SH3GL3: variants seen among roughly 807,000 people sequenced by gnomAD.
SH3GL3 encodes the protein SH3 domain containing GRB2 like 3, endophilin A3.
Under a neutral mutation model 47.7 loss-of-function variants are expected in SH3GL3, and 33 were observed. The observed-to-expected ratio is 0.69, with a 90% CI of 0.52 to 0.92. The LOEUF is 0.92. SH3GL3 is among the 40% of genes least tolerant of loss of function. The pLI is 0.00. For missense variants in SH3GL3, 363 were observed against 417.8 expected, an observed-to-expected ratio of 0.87 and a Z score of 1.14; for synonymous variants, 155 against 148.8, an observed-to-expected ratio of 1.04 and a Z score of -0.30.
intron 1 of SH3GL3, among the ~76,000 whole-genome samples, chr15:83,451,088 G>C (rs1200457727): frequency 1.1e-5 from 1 of 94,856 alleles, no homozygotes; most frequent in African/African-American, 4.0e-5. Context: ...AGTTTACTGA[G>C]AATGATGATT....
chr15:83,570,756 C>T (rs2045775365), intron 4 of SH3GL3, among the ~76,000 whole-genome samples: 1 of 152,136 alleles, frequency 6.6e-6, no homozygotes, highest in Non-Finnish European at 1.5e-5. Context: ...AGCATTAAAA[C>T]ACGAATTAAT....
chr15:83,594,070 C>T (rs530248359), intron 8 of SH3GL3, among the ~76,000 whole-genome samples: 5 of 152,284 alleles, frequency 3.3e-5, no homozygotes, highest in East Asian at 1.9e-4. Flanking sequence ...TCGCCTGCTT[C>T]GGCCTTCCAA....
intron 1 of SH3GL3, among the ~76,000 whole-genome samples, chr15:83,485,466 A>C (rs567996463): frequency 6.6e-6 from 1 of 152,188 alleles, no homozygotes; most frequent in African/African-American, 2.4e-5. Context: ...TTAGCATTGT[A>C]AAGTGTGTGA....
At chr15:83,610,366 A>T (rs571280567) in intron 8 of SH3GL3, among the ~76,000 whole-genome samples, 1 of 152,048 alleles carries the variant, frequency 6.6e-6, no homozygotes, top group African/African-American at 2.4e-5. Flanking sequence ...GTGAGACCCC[A>T]CCTCTATAGA....
intron 1 of SH3GL3, among the ~76,000 whole-genome samples, chr15:83,523,099 C>G (rs1385222709): frequency 6.6e-6 from 1 of 152,098 alleles, no homozygotes; most frequent in African/African-American, 2.4e-5. Flanking sequence ...GAAGGAAGTA[C>G]AGTTGTAAAG....
chr15:83,537,957 C>T (rs184058665), intron 1 of SH3GL3, among the ~76,000 whole-genome samples: 7 of 152,000 alleles, frequency 4.6e-5, no homozygotes, highest in South Asian at 2.1e-4. Context: ...GTATTTGGTC[C>T]GCCATCTTGA....
chr15:83,490,880 G>A (rs2041845314), intron 1 of SH3GL3: 2 of 1,614,034 alleles, frequency 1.2e-6, no homozygotes, highest in Non-Finnish European at 1.7e-6. Flanking sequence ...GCTAATAGGT[G>A]CCTTACCTGG....
intron 5 of SH3GL3, among the ~76,000 whole-genome samples, chr15:83,574,644 C>T (rs2059627004): frequency 6.6e-6 from 1 of 152,154 alleles, no homozygotes; most frequent in African/African-American, 2.4e-5. Context: ...TGCCCACTGA[C>T]AGTGGGGTGA....
At chr15:83,570,985 G>A (rs888615850) in intron 4 of SH3GL3, among the ~76,000 whole-genome samples, 4 of 152,158 alleles carry the variant, frequency 2.6e-5, no homozygotes, top group Non-Finnish European at 5.9e-5. Context: ...CCAGGTGCTC[G>A]GCAACCGAAA....
chr15:83,561,281 T>C (rs146706784), intron 2 of SH3GL3, among the ~76,000 whole-genome samples: 87 of 152,210 alleles, frequency 5.7e-4, no homozygotes, highest in Middle Eastern at 3.4e-3. Context: ...CCATAGAACA[T>C]AAGAATTATA....
intron 1 of SH3GL3, among the ~76,000 whole-genome samples, chr15:83,465,710 G>T (rs55641568): frequency 0.17 from 25,310 of 151,956 alleles, 2,475 homozygotes; most frequent in Admixed American, 0.25. Flanking sequence ...CTGTTATCCA[G>T]TTGGGTGGAT....
chr15:83,623,170 C>T (rs114150328), downstream of SH3GL3, among the ~76,000 whole-genome samples: 1,674 of 152,296 alleles, frequency 0.011, 30 homozygotes, highest in African/African-American at 0.035. Context: ...GAGGTAGATA[C>T]CACCAAACCT....
At chr15:83,552,374 A>G (rs555740190) in intron 1 of SH3GL3, among the ~76,000 whole-genome samples, 1 of 152,316 alleles carries the variant, frequency 6.6e-6, no homozygotes, top group East Asian at 1.9e-4. Flanking sequence ...ATTTTTTGGT[A>G]ATTTCTATTG....
At chr15:83,538,891 G>A (rs115209906) in intron 1 of SH3GL3, among the ~76,000 whole-genome samples, 1 of 152,098 alleles carries the variant, frequency 6.6e-6, no homozygotes, top group Non-Finnish European at 1.5e-5. Flanking sequence ...CTGAGTCATA[G>A]GGTATGGTTA....
At chr15:83,586,467 A>G (rs1032992900) in intron 6 of SH3GL3, among the ~76,000 whole-genome samples, 2 of 152,212 alleles carry the variant, frequency 1.3e-5, no homozygotes, top group African/African-American at 2.4e-5. Flanking sequence ...TAGAGGGGAC[A>G]GGGAAATCTT....
intron 1 of SH3GL3, among the ~76,000 whole-genome samples, chr15:83,472,527 G>A (rs771751193): frequency 6.6e-6 from 1 of 151,890 alleles, no homozygotes; most frequent in African/African-American, 2.4e-5. Context: ...TTTAATTTCA[G>A]TTATTTTATT....
chr15:83,542,558 A>T (rs2044214889), intron 1 of SH3GL3, among the ~76,000 whole-genome samples: 1 of 152,082 alleles, frequency 6.6e-6, no homozygotes, highest in Non-Finnish European at 1.5e-5. Context: ...AGGTTGCTTT[A>T]GTAGGTATGA....
intron 1 of SH3GL3, among the ~76,000 whole-genome samples, chr15:83,527,760 A>G (rs184364150): frequency 1.3e-5 from 2 of 152,122 alleles, no homozygotes; most frequent in Admixed American, 1.3e-4. Flanking sequence ...GTTAATTGTC[A>G]TTTGGTTTTG....
intron 1 of SH3GL3, among the ~76,000 whole-genome samples, chr15:83,532,385 C>A (rs2043716123): frequency 6.6e-6 from 1 of 152,016 alleles, no homozygotes; most frequent in African/African-American, 2.4e-5. Flanking sequence ...AAGGTTGTAA[C>A]ACTAATTGAG....
Sources: allele counts gnomAD v4.1 joint callset (sites outside exome capture counted in the v4.1 genomes callset), GRCh38; gene constraint gnomAD v4.1.1; transcripts MANE v1.5; gene names NCBI Gene and HGNC (gene_info 2026-07-23, HGNC 2026-07-21).